Variants in TMEM266 observed in about 807,000 individuals in gnomAD.
TMEM266 encodes Hv1 related protein 1.
A neutral mutation model predicts 50.5 loss-of-function variants in TMEM266; 33 were observed. The ratio of observed to expected loss-of-function variants is 0.65; its 90% CI spans 0.50 to 0.87. The LOEUF is 0.87. TMEM266 is among the 40% of genes least tolerant of loss of function. The probability of loss-of-function intolerance (pLI) is 0.00; values close to 1 mark genes in which losing one functional copy is unlikely to be tolerated. For synonymous variants in TMEM266, 310 were observed against 292.3 expected (o/e 1.06, Z -0.62); for missense variants, 655 against 695.1 (o/e 0.94, Z 0.65).
chr15:76,173,037 C>T (rs763677072), intron 7 of TMEM266, among the ~76,000 whole-genome samples: 31 of 152,240 alleles, frequency 2.0e-4, no homozygotes, highest in Non-Finnish European at 4.1e-4. Flanking sequence ...AGGAGAGAGA[C>T]GTGCTGGTGA....
intron 2 of TMEM266, among the ~76,000 whole-genome samples, chr15:76,136,368 T>C (rs1326790021): frequency 6.6e-6 from 1 of 152,172 alleles, no homozygotes; most frequent in Non-Finnish European, 1.5e-5. Context: ...GTCTGTCACC[T>C]ATGTCAGATC....
chr15:76,129,582 A>C (rs1314134817), intron 1 of TMEM266, among the ~76,000 whole-genome samples: 3 of 152,180 alleles, frequency 2.0e-5, no homozygotes, highest in Non-Finnish European at 4.4e-5. Flanking sequence ...TGGAGGTTGC[A>C]GTGAGCCAAG....
At chr15:76,136,252 G>T (rs2037587442) in intron 2 of TMEM266, among the ~76,000 whole-genome samples, 2 of 152,158 alleles carry the variant, frequency 1.3e-5, no homozygotes, top group South Asian at 4.1e-4. Flanking sequence ...CTGCAGCTGT[G>T]TATTATTGGT....
At chr15:76,140,385 G>A (rs1015806395) in intron 3 of TMEM266, among the ~76,000 whole-genome samples, 1 of 152,236 alleles carries the variant, frequency 6.6e-6, no homozygotes, top group Admixed American at 6.5e-5. Context: ...TTCCCAAAAT[G>A]TCCAACCCGG....
chr15:76,189,044 A>G (rs1048909833), intron 8 of TMEM266, among the ~76,000 whole-genome samples: 1 of 152,016 alleles, frequency 6.6e-6, no homozygotes, highest in African/African-American at 2.4e-5. Context: ...ATATAAGAAT[A>G]AAAAAATTAG....
chr15:76,123,208 G>C (rs1348947468), intron 1 of TMEM266, among the ~76,000 whole-genome samples: 4 of 152,230 alleles, frequency 2.6e-5, no homozygotes, highest in African/African-American at 4.8e-5. Flanking sequence ...ATGCTCAGGT[G>C]TGTGATTGAT....
At chr15:76,078,426 C>T (rs758524557) in intron 1 of TMEM266, among the ~76,000 whole-genome samples, 2 of 151,120 alleles carry the variant, frequency 1.3e-5, no homozygotes, top group Admixed American at 1.3e-4. Context: ...CTGATTAGCA[C>T]GACTTAGCTA....
chr15:76,099,693 C>T (rs2036972600), intron 1 of TMEM266, among the ~76,000 whole-genome samples: 1 of 152,152 alleles, frequency 6.6e-6, no homozygotes, highest in South Asian at 2.1e-4. Flanking sequence ...GCTCTGCTGT[C>T]CTGCCTTCAT....
At chr15:76,192,684 G>A (rs2038598755) in intron 9 of TMEM266, among the ~76,000 whole-genome samples, 1 of 152,216 alleles carries the variant, frequency 6.6e-6, no homozygotes, top group Non-Finnish European at 1.5e-5. Flanking sequence ...TGATGTTGGT[G>A]GAGATGGGAA....
intron 3 of TMEM266, among the ~76,000 whole-genome samples, chr15:76,142,113 G>A (rs956803871): frequency 1.3e-5 from 2 of 152,204 alleles, no homozygotes; most frequent in Non-Finnish European, 2.9e-5. Flanking sequence ...TTCAGGCCGG[G>A]TGCAGTGGCT....
Position 76,074,145 on chromosome 15 carries a change from A to T in TMEM266, c.-97+14129A>T, listed in dbSNP as rs527716540. ...AATGCTTTTTTGCATTAAGGAAAAAAGTCATCTATAATCCTACTACCCATA... is the reference window on the plus strand; with the variant it reads ...AATGCTTTTTTGCATTAAGGAAAAATGTCATCTATAATCCTACTACCCATA... On this transcript the variant is annotated intron_variant, in intron 1 of 10. Coordinates refer to ENST00000388942, the MANE Select transcript of TMEM266 (RefSeq NM_152335.3). 2.2e-3 allele frequency among the ~76,000 whole-genome samples: 335 copies of T among 152,260 alleles called. 6 individuals carry two copies. Among genetic ancestry groups the T allele is most frequent in the African/African-American group, 7.6e-3 (317 of 41,478 alleles).
chr15:76,120,244 T>G (rs1466188177), intron 1 of TMEM266, among the ~76,000 whole-genome samples: 1 of 151,708 alleles, frequency 6.6e-6, no homozygotes, highest in East Asian at 1.9e-4. Flanking sequence ...ACCGTATCAA[T>G]GGGGCAATTT....
At chr15:76,202,086 C>G in intron 9 of TMEM266, 116 bp from the exon 10 acceptor site, 1 of 884,492 alleles carries the variant, frequency 1.1e-6, no homozygotes, top group Non-Finnish European at 1.7e-6. Flanking sequence ...GTCACACACA[C>G]CAAGGGCTTC....
At position 76,083,395 on chromosome 15, in the gene TMEM266, C is replaced by T. The variant is rs1484576442; in HGVS notation, c.-97+23379C>T. ...GACCAAATTCTTAGCAGCTTCTAGT[C>T]TGGTGCTGGCCTGACACTCGTCCCT... On this transcript the variant is annotated intron_variant, in intron 1 of 10. Transcript: ENST00000388942. Among the ~76,000 whole-genome samples the T allele has an allele frequency of 2.6e-5, 4 of 152,078 alleles. No individual in the cohort carries two copies. The East Asian group carries it at 7.7e-4, about 29-fold the overall frequency.
chr15:76,119,391 C>CAAAAAAAAAAA (rs57532855), intron 1 of TMEM266, among the ~76,000 whole-genome samples: 13 of 109,668 alleles, frequency 1.2e-4, no homozygotes, highest in Non-Finnish European at 1.6e-4. Flanking sequence ...GGGTTTATGG[C>CAAAAAAAAAAA]AAAAAAAAAA....
chr15:76,164,679 G>C (rs2038066156), intron 5 of TMEM266, among the ~76,000 whole-genome samples: 1 of 152,230 alleles, frequency 6.6e-6, no homozygotes, highest in Non-Finnish European at 1.5e-5. Flanking sequence ...TGCTTCTTAA[G>C]GAAGTGCCAG....
intron 10 of TMEM266, among the ~76,000 whole-genome samples, 165 bp downstream of exon 10, chr15:76,202,429 A>G (rs773447030): frequency 2.2e-4 from 33 of 152,116 alleles, no homozygotes; most frequent in Non-Finnish European, 4.4e-5. Flanking sequence ...CTTCCAGCAA[A>G]CTCCAGCACT....
intron 9 of TMEM266, among the ~76,000 whole-genome samples, chr15:76,201,276 T>C (rs1447157319): frequency 6.6e-6 from 1 of 152,190 alleles, no homozygotes; most frequent in Non-Finnish European, 1.5e-5. Context: ...GGCCCAGCTC[T>C]TAGGATGGCT....
At chr15:76,145,548 G>GA (rs2037743974) in intron 3 of TMEM266, among the ~76,000 whole-genome samples, 1 of 152,244 alleles carries the variant, frequency 6.6e-6, no homozygotes, top group Admixed American at 6.5e-5. Flanking sequence ...GCAAGGCACA[G>GA]AAAATCCATA....
Sources: allele counts gnomAD v4.1 joint callset (sites outside exome capture counted in the v4.1 genomes callset), GRCh38; gene constraint gnomAD v4.1.1; transcripts MANE v1.5; gene names NCBI Gene and HGNC (gene_info 2026-07-23, HGNC 2026-07-21).